The following PARVA variants were observed in gnomAD, a reference collection of about 807,000 sequenced individuals.
The protein encoded by PARVA is parvin alpha.
Under a neutral mutation model 52.6 loss-of-function variants are expected in PARVA, and 25 were observed. That is an observed-to-expected ratio of 0.48 (90% CI 0.35 to 0.66). The LOEUF (loss-of-function observed/expected upper bound fraction) is 0.66, where lower values mean the gene tolerates loss of function less well. Among genes scored for constraint, PARVA ranks in the 30% least tolerant of loss-of-function variants. PARVA has a pLI of 0.01. For synonymous variants in PARVA, 185 were observed against 179.1 expected, an observed-to-expected ratio of 1.03 and a Z score of -0.26; for missense variants, 373 against 450.9, an observed-to-expected ratio of 0.83 and a Z score of 1.56.
intron 12 of PARVA, among the ~76,000 whole-genome samples, chr11:12,524,050 C>T (rs116280605): frequency 3.9e-5 from 6 of 152,296 alleles, no homozygotes; most frequent in African/African-American, 4.8e-5. Flanking sequence ...CCTATTCACC[C>T]GGCCCATCTG....
chr11:12,482,279 T>C (rs565456249), intron 4 of PARVA, among the ~76,000 whole-genome samples: 25 of 151,920 alleles, frequency 1.6e-4, no homozygotes, highest in African/African-American at 5.8e-4. Flanking sequence ...TGTGGCAGTG[T>C]ATTAGTCTGT....
At chr11:12,459,906 C>T (rs1424131986) in intron 1 of PARVA, among the ~76,000 whole-genome samples, 1 of 152,066 alleles carries the variant, frequency 6.6e-6, no homozygotes, top group African/African-American at 2.4e-5. Flanking sequence ...TTATTTAAAA[C>T]AAACAAAAAC....
intron 1 of PARVA, among the ~76,000 whole-genome samples, chr11:12,457,139 A>T (rs549830360): frequency 6.6e-6 from 1 of 152,322 alleles, no homozygotes; most frequent in African/African-American, 2.4e-5. Context: ...TTATCCATTG[A>T]ATCGAATCAA....
intron 3 of PARVA, 84 bp from the exon 4 acceptor site, chr11:12,477,763 T>C (rs1941034858): frequency 1.3e-6 from 1 of 754,808 alleles, no homozygotes; most frequent in African/African-American, 1.7e-5. Flanking sequence ...ATTTTAATTG[T>C]TTAGGATAAG....
At chr11:12,401,335 A>C (rs1486465049) in intron 1 of PARVA, among the ~76,000 whole-genome samples, 1 of 152,220 alleles carries the variant, frequency 6.6e-6, no homozygotes, top group East Asian at 1.9e-4. Flanking sequence ...GGAAAAAGCA[A>C]GGTTAAAGGG....
intron 5 of PARVA, among the ~76,000 whole-genome samples, chr11:12,502,894 A>C (rs1941381095): frequency 6.6e-6 from 1 of 152,116 alleles, no homozygotes; most frequent in South Asian, 2.1e-4. Flanking sequence ...AAGATGAGCA[A>C]ATTAAGGCTC....
chr11:12,422,215 C>G (rs930049884), intron 1 of PARVA, among the ~76,000 whole-genome samples: 3 of 152,186 alleles, frequency 2.0e-5, no homozygotes, highest in Non-Finnish European at 2.9e-5. Context: ...ATTGAATTTA[C>G]TTAACCCATT....
intron 1 of PARVA, among the ~76,000 whole-genome samples, chr11:12,408,202 T>G (rs971252083): frequency 5.3e-5 from 8 of 152,194 alleles, no homozygotes; most frequent in Middle Eastern, 6.8e-3. Flanking sequence ...GTCTCTCACA[T>G]GTCTGGCCCT....
intron 5 of PARVA, among the ~76,000 whole-genome samples, chr11:12,501,247 G>A (rs1338418894): frequency 6.6e-6 from 1 of 151,710 alleles, no homozygotes; most frequent in African/African-American, 2.4e-5. Flanking sequence ...TTTTATGTAT[G>A]CATATATCCA....
intron 1 of PARVA, among the ~76,000 whole-genome samples, chr11:12,408,427 C>T (rs1025704168): frequency 1.3e-5 from 2 of 152,160 alleles, no homozygotes; most frequent in African/African-American, 2.4e-5. Flanking sequence ...CTCAGGAGGC[C>T]TCTGTCTTGG....
rs1006195758 is a variant in PARVA, at chr11:12,534,524, G to A, written c.*6599G>A. ...AGTACCCATTATTAAGATAAATGATGTTTTATCAATGAAGCAGACTTTTCA... is the reference window on the plus strand; with the variant it reads ...AGTACCCATTATTAAGATAAATGATATTTTATCAATGAAGCAGACTTTTCA... On this transcript the variant is annotated 3_prime_UTR_variant, in exon 13 of 13. Transcript: ENST00000334956. Among the ~76,000 whole-genome samples, 1 of 152,172 alleles carries A rather than the reference G, an allele frequency of 6.6e-6. No individual in the cohort carries two copies. Among genetic ancestry groups the A allele is most frequent in the Non-Finnish European group, 1.5e-5 (1 of 68,042 alleles).
chr11:12,470,940 C>T (rs1564855335), intron 1 of PARVA, among the ~76,000 whole-genome samples: 1 of 152,126 alleles, frequency 6.6e-6, no homozygotes, highest in South Asian at 2.1e-4. Context: ...CAAAAGATAA[C>T]GGTGGCTCAA....
intron 1 of PARVA, chr11:12,452,844 G>A: frequency 3.2e-6 from 1 of 317,296 alleles, no homozygotes; most frequent in South Asian, 2.6e-5. Context: ...GCACTGAGCT[G>A]AGAGTTGTGC....
intron 1 of PARVA, among the ~76,000 whole-genome samples, chr11:12,435,785 T>G (rs1940378756): frequency 7.7e-6 from 1 of 130,356 alleles, no homozygotes; most frequent in Non-Finnish European, 1.7e-5. Flanking sequence ...TATATCTCTG[T>G]TTTTTTGTTG....
intron 1 of PARVA, among the ~76,000 whole-genome samples, chr11:12,409,933 T>C (rs1163861653): frequency 1.3e-5 from 2 of 152,216 alleles, no homozygotes. Flanking sequence ...TGCCTATTAA[T>C]TGGTACCTGC....
chr11:12,483,979 GTGAT>G (rs1336432653), intron 4 of PARVA, among the ~76,000 whole-genome samples: 1 of 152,168 alleles, frequency 6.6e-6, no homozygotes, highest in Non-Finnish European at 1.5e-5. Context: ...CCCTTCCAGG[GTGAT>G]TGATGGAAGA....
intron 1 of PARVA, among the ~76,000 whole-genome samples, chr11:12,408,994 C>A (rs560729127): frequency 1.3e-5 from 2 of 152,274 alleles, no homozygotes; most frequent in East Asian, 3.9e-4. Flanking sequence ...GCCCCCATGG[C>A]TGAAGCACGG....
chr11:12,517,575 C>T, intron 10 of PARVA, 35 bp from the exon 11 acceptor site: 3 of 1,468,218 alleles, frequency 2.0e-6, no homozygotes, highest in South Asian at 1.2e-5. Flanking sequence ...CTGGGAGGCT[C>T]AGGGGCCAGT....
chr11:12,470,288 G>A (rs1020172757), intron 1 of PARVA, among the ~76,000 whole-genome samples: 5 of 152,220 alleles, frequency 3.3e-5, no homozygotes, highest in Non-Finnish European at 5.9e-5. Context: ...TGCTTGAGGT[G>A]TTGTTTTAAG....
Sources: gnomAD v4.1 joint callset for allele counts (sites outside exome capture counted in the v4.1 genomes callset) on GRCh38, gnomAD v4.1.1 for gene constraint, MANE v1.5 for transcripts, NCBI Gene and HGNC (gene_info 2026-07-23, HGNC 2026-07-21) for gene names.